DNAJC6: variants seen among roughly 807,000 people sequenced by gnomAD.
DNAJC6 encodes the protein auxilin.
Under a neutral mutation model 110.0 loss-of-function variants are expected in DNAJC6, and 34 were observed. That is an observed-to-expected ratio of 0.31 (90% CI 0.24 to 0.41). DNAJC6 has a LOEUF of 0.41. Among genes scored for constraint, DNAJC6 ranks in the 10% least tolerant of loss-of-function variants. The pLI, the probability that DNAJC6 is intolerant of heterozygous loss-of-function variation, is 1.00. For synonymous variants in DNAJC6, 406 were observed against 437.2 expected, an observed-to-expected ratio of 0.93 and a Z score of 0.89; for missense variants, 1,031 against 1,207.8, an observed-to-expected ratio of 0.85 and a Z score of 2.17.
chr1:65,335,781 T>A (rs991567619), intron 1 of DNAJC6, among the ~76,000 whole-genome samples: 1 of 152,142 alleles, frequency 6.6e-6, no homozygotes, highest in Admixed American at 6.5e-5. Flanking sequence ...GCTTTGATTT[T>A]TATTCTAAGT....
intron 1 of DNAJC6, among the ~76,000 whole-genome samples, chr1:65,324,371 T>TG (rs1212930570): frequency 3.3e-5 from 5 of 151,864 alleles, no homozygotes; most frequent in African/African-American, 9.7e-5. Flanking sequence ...TGTTTTGTTT[T>TG]TTTTTTAAGA....
chr1:65,382,942 G>C (rs1645837462), intron 5 of DNAJC6, among the ~76,000 whole-genome samples: 1 of 152,202 alleles, frequency 6.6e-6, no homozygotes, highest in Non-Finnish European at 1.5e-5. Context: ...AAGGGAAATA[G>C]AAGCATTGAT....
intron 4 of DNAJC6, among the ~76,000 whole-genome samples, chr1:65,378,397 T>C (rs937720848): frequency 6.6e-5 from 10 of 152,196 alleles, no homozygotes; most frequent in Non-Finnish European, 2.9e-5. Flanking sequence ...AGTTACCCGA[T>C]AAAATGATAA....
At chr1:65,368,684 C>CTCCT (rs1553144284) in intron 4 of DNAJC6, among the ~76,000 whole-genome samples, 8 of 129,484 alleles carry the variant, frequency 6.2e-5, no homozygotes, top group South Asian at 2.8e-4. Context: ...TCCCTTCCTC[C>CTCCT]CTTCCTCCTC....
intron 16 of DNAJC6, among the ~76,000 whole-genome samples, chr1:65,407,899 A>G (rs919826056): frequency 2.0e-5 from 3 of 152,198 alleles, no homozygotes; most frequent in Admixed American, 6.5e-5. Flanking sequence ...ATGGACTGTT[A>G]TGTTTTGGTT....
intron 1 of DNAJC6, among the ~76,000 whole-genome samples, chr1:65,284,023 C>T (rs1196193049): frequency 6.6e-6 from 1 of 152,124 alleles, no homozygotes; most frequent in African/African-American, 2.4e-5. Context: ...TTTCTTCTCT[C>T]CCCAGCCTGG....
chr1:65,404,488 T>C (rs1427029881), intron 15 of DNAJC6, among the ~76,000 whole-genome samples: 2 of 152,222 alleles, frequency 1.3e-5, no homozygotes, highest in African/African-American at 4.8e-5. Context: ...ATATTCTTAG[T>C]GCCCAGCATA....
chr1:65,408,619 A>AT, intron 16 of DNAJC6, 22 bp from the exon 17 acceptor site: 5 of 1,599,062 alleles, frequency 3.1e-6, no homozygotes, highest in Non-Finnish European at 4.3e-6. Context: ...AACTGTAATG[A>AT]TTTTCAAAAA....
intron 1 of DNAJC6, among the ~76,000 whole-genome samples, chr1:65,268,445 C>A (rs1175414430): frequency 6.6e-6 from 1 of 152,134 alleles, no homozygotes; most frequent in Non-Finnish European, 1.5e-5. Flanking sequence ...ACAATAAGAA[C>A]CATAGCTCCT....
Position 65,415,728 on chromosome 1 carries a change from C to T in DNAJC6, c.*2703C>T, listed in dbSNP as rs1329292228. 6.6e-6 allele frequency: 1 copy of T among 152,202 alleles called. No homozygotes were observed. The highest frequency in any genetic ancestry group is 2.4e-5 in the African/African-American group (1 of 41,440). The allele number at this position is 152,202 out of a possible 1,614,324, so 9.4% of individuals were successfully genotyped here. ...AGCATTTGACCTGTCACTGTACTATCTACATGTGGAAGAATGTTCAAGTTG... is the reference window on the plus strand; with the variant it reads ...AGCATTTGACCTGTCACTGTACTATTTACATGTGGAAGAATGTTCAAGTTG... On this transcript the variant is annotated 3_prime_UTR_variant, in exon 19 of 19. Coordinates refer to ENST00000371069, the MANE Select transcript of DNAJC6 (RefSeq NM_001256864.2).
intron 1 of DNAJC6, among the ~76,000 whole-genome samples, chr1:65,271,521 T>C (rs981321336): frequency 6.6e-6 from 1 of 152,174 alleles, no homozygotes; most frequent in Non-Finnish European, 1.5e-5. Flanking sequence ...TTTGACTCTC[T>C]GTGGCACTTT....
intron 1 of DNAJC6, among the ~76,000 whole-genome samples, chr1:65,268,017 T>C (rs1270926664): frequency 6.6e-6 from 1 of 152,188 alleles, no homozygotes; most frequent in African/African-American, 2.4e-5. Context: ...AGAGTCTCTG[T>C]GTTGAAAAGG....
chr1:65,296,256 C>T (rs527956328), intron 1 of DNAJC6, among the ~76,000 whole-genome samples: 1 of 152,252 alleles, frequency 6.6e-6, no homozygotes, highest in Non-Finnish European at 1.5e-5. Context: ...GTCTCCTACT[C>T]GGATCAAAAA....
upstream of DNAJC6, chr1:65,309,385 G>T (rs1409616601): frequency 4.8e-6 from 1 of 210,404 alleles, no homozygotes; most frequent in Non-Finnish European, 8.2e-6. Flanking sequence ...GCGACGCGGC[G>T]ACACCTATAG....
At position 65,408,910 on chromosome 1, in the gene DNAJC6, A is replaced by G. The variant is rs190911401; in HGVS notation, c.2634+127A>G. The G allele has an allele frequency of 2.0e-5, 23 of 1,160,032 alleles. No individual in the cohort carries two copies. In the African/African-American group the frequency reaches 3.5e-4, roughly 18 times the overall value. The allele number at this position is 1,160,032 out of a possible 1,614,324, so 71.9% of individuals were successfully genotyped here. On this transcript the variant is annotated intron_variant, in intron 17 of 18. Coordinates refer to ENST00000371069, the MANE Select transcript of DNAJC6 (RefSeq NM_001256864.2). ...AGCCCATTCAGGCTGCTATAACAAAATACCATAAACTAGGTGGCTTATAAA... is the reference window on the plus strand; with the variant it reads ...AGCCCATTCAGGCTGCTATAACAAAGTACCATAAACTAGGTGGCTTATAAA...
At chr1:65,338,875 T>C (rs1442320774) in intron 1 of DNAJC6, among the ~76,000 whole-genome samples, 2 of 152,200 alleles carry the variant, frequency 1.3e-5, no homozygotes, top group Non-Finnish European at 1.5e-5. Flanking sequence ...TTGAACCACC[T>C]GGCCCCGAGT....
At chr1:65,358,947 C>G (rs1273736706) in intron 1 of DNAJC6, among the ~76,000 whole-genome samples, 5 of 152,164 alleles carry the variant, frequency 3.3e-5, no homozygotes, top group African/African-American at 1.2e-4. Flanking sequence ...TAGGCATGTA[C>G]TGAATAAGCA....
intron 1 of DNAJC6, among the ~76,000 whole-genome samples, chr1:65,328,649 C>T (rs1390031009): frequency 2.0e-5 from 3 of 152,324 alleles, no homozygotes; most frequent in South Asian, 4.1e-4. Flanking sequence ...CCACACCTGC[C>T]ACTATTCTTT....
chr1:65,407,081 A>G (rs562164183), intron 16 of DNAJC6, among the ~76,000 whole-genome samples: 8 of 152,340 alleles, frequency 5.3e-5, no homozygotes, highest in Non-Finnish European at 8.8e-5. Flanking sequence ...GGAAAATTCC[A>G]GGAATAAGCA....
Sources: gnomAD v4.1 joint callset for allele counts (sites outside exome capture counted in the v4.1 genomes callset) on GRCh38, gnomAD v4.1.1 for gene constraint, MANE v1.5 for transcripts, NCBI Gene and HGNC (gene_info 2026-07-23, HGNC 2026-07-21) for gene names.